Variants in VSX2 observed in about 807,000 individuals in gnomAD.
The protein encoded by VSX2 is visual system homeobox 2, also known as ceh-10 homeo domain containing homolog.
Under a neutral mutation model 32.1 loss-of-function variants are expected in VSX2, and 28 were observed. The observed-to-expected ratio is 0.87, with a 90% CI of 0.65 to 1.20. The LOEUF (loss-of-function observed/expected upper bound fraction) is 1.20, where lower values mean the gene tolerates loss of function less well. Among genes scored for constraint, VSX2 ranks in the 50% most tolerant of loss-of-function variants. The pLI, the probability that VSX2 is intolerant of heterozygous loss-of-function variation, is 0.00. For synonymous variants in VSX2, 243 were observed against 214.1 expected (o/e 1.14, Z -1.18); for missense variants, 506 against 488.7 (o/e 1.04, Z -0.33).
At chr14:74,260,125 C>T (rs1016629646) in intron 4 of VSX2, among the ~76,000 whole-genome samples, 2 of 152,296 alleles carry the variant, frequency 1.3e-5, no homozygotes, top group East Asian at 1.9e-4. Flanking sequence ...AAACAGTCTT[C>T]CCTGGGGGTT....
intron 1 of VSX2, among the ~76,000 whole-genome samples, chr14:74,240,664 AG>A (rs1476356552): frequency 6.6e-6 from 1 of 152,184 alleles, no homozygotes; most frequent in African/African-American, 2.4e-5. Context: ...TTACGTGGAA[AG>A]GCAACGAAAA....
At chr14:74,249,939 T>C (rs2079218416) in intron 3 of VSX2, among the ~76,000 whole-genome samples, 1 of 152,026 alleles carries the variant, frequency 6.6e-6, no homozygotes, top group African/African-American at 2.4e-5. Flanking sequence ...GCACACCGTC[T>C]TCTTTGTGTC....
rs562628722 is a variant in VSX2, at chr14:74,254,147, C to T, written c.580-5455C>T. Among the ~76,000 whole-genome samples, 323 of 151,258 alleles carry T rather than the reference C, an allele frequency of 2.1e-3. 3 individuals carry two copies. The highest frequency in any genetic ancestry group is 5.2e-3 in the African/African-American group (214 of 41,196). On this transcript the variant is annotated intron_variant, in intron 3 of 4. Coordinates refer to ENST00000261980, the MANE Select transcript of VSX2 (RefSeq NM_182894.3). ...GGGAGAGGCCAGGCGTGGGGGCTCACGCCAGTAATTCCAGCAATTTGGGAG... is the reference window on the plus strand; with the variant it reads ...GGGAGAGGCCAGGCGTGGGGGCTCATGCCAGTAATTCCAGCAATTTGGGAG...
rs1268193262 is a variant in VSX2 at position 74,259,632 on chromosome 14, A to C, written c.610A>C (p.Arg204=). The change falls in exon 4 of 5, where the codon AGG becomes CGG. Residue 204 remains arginine, a synonymous_variant. Transcript: ENST00000261980. ...GTTCCAGAACCGTCGAGCCAAGTGGAGGAAGCGGGAGAAGTGCTGGGGCCG... is the reference window on the plus strand; with the variant it reads ...GTTCCAGAACCGTCGAGCCAAGTGGCGGAAGCGGGAGAAGTGCTGGGGCCG... The part of the protein sequence containing the change: ...VWFQNRRAKW[R]KREKCWGRSS... 3 of 1,614,020 alleles carry C rather than the reference A, an allele frequency of 1.9e-6. No individual in the cohort carries two copies. Among genetic ancestry groups the C allele is most frequent in the African/African-American group, 2.7e-5 (2 of 74,894 alleles).
At chr14:74,242,325 A>T (rs2079155594) in intron 2 of VSX2, among the ~76,000 whole-genome samples, 1 of 151,764 alleles carries the variant, frequency 6.6e-6, no homozygotes, top group African/African-American at 2.4e-5. Flanking sequence ...CCGCCGCCAC[A>T]TCGTTTTCTC....
rs542910799 is a variant in VSX2, at chr14:74,261,911, A to G, written c.*992A>G. On this transcript the variant is annotated 3_prime_UTR_variant, in exon 5 of 5. Coordinates refer to ENST00000261980, the MANE Select transcript of VSX2 (RefSeq NM_182894.3). ...CATGTGCCCTGCCTTGAACAACCCA[A>G]TCTGGCTGGTAAATGACATCTACGA... is the stretch of plus-strand genomic sequence containing the variant. The G allele has an allele frequency of 1.3e-5, 2 of 152,280 alleles. No individual in the cohort carries two copies. The highest frequency in any genetic ancestry group is 1.9e-4 in the East Asian group (1 of 5,140). 9.4% of individuals were successfully genotyped at this position (152,280 alleles called of 1,614,324 possible). A position where few individuals can be genotyped will look rare whatever the true frequency, so the allele number is the denominator to read the frequency against.
At chr14:74,244,915 T>TGAGAGA (rs1426281346) in intron 2 of VSX2, among the ~76,000 whole-genome samples, 1 of 53,092 alleles carries the variant, frequency 1.9e-5, no homozygotes, top group African/African-American at 4.0e-5. Context: ...TGTGTGTGTG[T>TGAGAGA]GTGTGTGTGT....
chr14:74,260,974 T>C lies in VSX2; in HGVS notation c.*55T>C. 3 of 1,540,238 alleles carry C rather than the reference T, an allele frequency of 1.9e-6. No homozygotes were observed. The highest frequency in any genetic ancestry group is 1.8e-6 in the Non-Finnish European group (2 of 1,140,126). On this transcript the variant is annotated 3_prime_UTR_variant, in exon 5 of 5. Coordinates refer to ENST00000261980, the MANE Select transcript of VSX2 (RefSeq NM_182894.3). ...AAGACTCTGCTCTCCTCGGGCCCTG[T>C]GGTGCTGGGAGATGCTCTCTGAGGC...
At chr14:74,244,943 AAAGTGTGTGT>A (rs1382247763) in intron 2 of VSX2, among the ~76,000 whole-genome samples, 141 of 62,984 alleles carry the variant, frequency 2.2e-3, no homozygotes, top group African/African-American at 6.7e-3. Context: ...AGAGAGAGAG[AAAGTGTGTGT>A]GTGTGTGTGT....
At chr14:74,253,694 G>C (rs1349920864) in intron 3 of VSX2, among the ~76,000 whole-genome samples, 2 of 152,212 alleles carry the variant, frequency 1.3e-5, no homozygotes, top group African/African-American at 2.4e-5. Context: ...ACTTTCGGAG[G>C]CCGAGGCTGG....
At chr14:74,251,568 C>T (rs2079229338) in intron 3 of VSX2, among the ~76,000 whole-genome samples, 1 of 152,204 alleles carries the variant, frequency 6.6e-6, no homozygotes, top group Non-Finnish European at 1.5e-5. Context: ...GGGTTGGAGG[C>T]TCAGGAGAGG....
At chr14:74,240,992 G>A (rs1007876009) in intron 1 of VSX2, among the ~76,000 whole-genome samples, 190 bp from the exon 2 acceptor site, 2 of 152,174 alleles carry the variant, frequency 1.3e-5, no homozygotes, top group Non-Finnish European at 2.9e-5. Context: ...TCCGGATTCG[G>A]GCCCCGGCGC....
At chr14:74,245,592 C>A (rs1403856293) in intron 3 of VSX2, among the ~76,000 whole-genome samples, 1 of 152,036 alleles carries the variant, frequency 6.6e-6, no homozygotes, top group East Asian at 1.9e-4. Context: ...GGCCCCCGGT[C>A]CTGGGCAGGG....
chr14:74,257,712 C>G (rs911069985), intron 3 of VSX2, among the ~76,000 whole-genome samples: 5 of 149,492 alleles, frequency 3.3e-5, no homozygotes, highest in African/African-American at 1.2e-4. Flanking sequence ...GCGGACCACC[C>G]CCCACCCACT....
rs946030284 is a variant in VSX2 at position 74,260,455 on chromosome 14, G to A, written c.761-139G>A. The A allele has an allele frequency of 6.5e-6, 6 of 918,686 alleles. No homozygotes were observed. The African/African-American group carries it at 9.9e-5, about 15-fold the overall frequency. The allele number at this position is 918,686 out of a possible 1,614,324, so 56.9% of individuals were successfully genotyped here. On this transcript the variant is annotated intron_variant, in intron 4 of 4. Transcript: ENST00000261980. ...ATTCCCTGACCCTGGTCCAGCCCTG[G>A]GACTTGTGTGACTGCGGTGTGGGGA...
chr14:74,256,876 G>T (rs2079266873), intron 3 of VSX2, among the ~76,000 whole-genome samples: 1 of 151,848 alleles, frequency 6.6e-6, no homozygotes, highest in Non-Finnish European at 1.5e-5. Flanking sequence ...GTTTCCCCAT[G>T]TTGGCCAGGC....
Position 74,253,685 on chromosome 14 carries a change from C to A in VSX2, c.580-5917C>A, listed in dbSNP as rs1229760763. 1.3e-5 allele frequency among the ~76,000 whole-genome samples: 2 copies of A among 152,212 alleles called. 1 individual carries two copies. The highest frequency in any genetic ancestry group is 6.8e-3 in the Middle Eastern group (2 of 294). On this transcript the variant is annotated intron_variant, in intron 3 of 4. Transcript: ENST00000261980. ...GTGGCTCACGCCTGTAATCCCAGCA[C>A]TTTCGGAGGCCGAGGCTGGCTGATC...
rs1000091496 is a variant in VSX2 at position 74,262,512 on chromosome 14, A to G, written c.*1593A>G. ...GATTTCTTCTTCATTCCATTTATGG[A>G]ACTTCCCTCCCCCTAGTCCGGTTCT... On this transcript the variant is annotated 3_prime_UTR_variant, in exon 5 of 5. Coordinates refer to ENST00000261980, the MANE Select transcript of VSX2 (RefSeq NM_182894.3). 2 of 152,234 alleles carry G rather than the reference A, an allele frequency of 1.3e-5. No homozygotes were observed. Among genetic ancestry groups the G allele is most frequent in the Non-Finnish European group, 2.9e-5 (2 of 68,056 alleles). 9.4% of individuals were successfully genotyped at this position (152,234 alleles called of 1,614,324 possible).
At chr14:74,244,293 G>C (rs923062939) in intron 2 of VSX2, among the ~76,000 whole-genome samples, 11 of 152,144 alleles carry the variant, frequency 7.2e-5, no homozygotes, top group African/African-American at 2.4e-4. Context: ...GGGCTCTCAG[G>C]GTGGCCCGAA....
Sources: gnomAD v4.1 joint callset for allele counts (sites outside exome capture counted in the v4.1 genomes callset) on GRCh38, gnomAD v4.1.1 for gene constraint, MANE v1.5 for transcripts, NCBI Gene and HGNC (gene_info 2026-07-23, HGNC 2026-07-21) for gene names.